BCAS3: variants seen among roughly 807,000 people sequenced by gnomAD.
The protein encoded by BCAS3 is BCAS4/BCAS3 fusion.
A neutral mutation model predicts 116.1 loss-of-function variants in BCAS3; 53 were observed. That is an observed-to-expected ratio of 0.46 (90% CI 0.37 to 0.57). The LOEUF is 0.57. Ranked by LOEUF, BCAS3 falls within the 20% of genes least tolerant of loss-of-function variation. The probability of loss-of-function intolerance (pLI) is 0.00; values close to 1 mark genes in which losing one functional copy is unlikely to be tolerated. For synonymous variants in BCAS3, 391 were observed against 408.2 expected (o/e 0.96, Z 0.51); for missense variants, 917 against 1,165.4 (o/e 0.79, Z 3.10).
rs948064072 is a variant in BCAS3 at position 61,309,170 on chromosome 17, A to AG, written c.2426-59154dup. On this transcript the variant is annotated intron_variant, in intron 22 of 23. Coordinates refer to ENST00000407086, the MANE Select transcript of BCAS3 (RefSeq NM_017679.5). The surrounding 1 kb of genome is among the most constrained non-coding windows in gnomAD (Gnocchi z 4.6). ...TTTTTTCAGCCTTGGGTTTAGTGAC[A>AG]GGGAAAAAAGAACGTTAGCTCATGT... Among the ~76,000 whole-genome samples the AG allele has an allele frequency of 2.3e-4, 35 of 152,168 alleles. No homozygotes were observed. The highest frequency in any genetic ancestry group is 1.9e-3 in the Admixed American group (29 of 15,286).
rs145698396 is a variant in BCAS3 at position 61,253,356 on chromosome 17, A to AAT, written c.2426-114957_2426-114956dup. Among the ~76,000 whole-genome samples, 444 of 149,254 alleles carry AAT rather than the reference A, an allele frequency of 3.0e-3. 1 individual carries two copies. Among genetic ancestry groups the AAT allele is most frequent in the Non-Finnish European group, 5.2e-3 (347 of 66,970 alleles). On this transcript the variant is annotated intron_variant, in intron 22 of 23. Coordinates refer to ENST00000407086, the MANE Select transcript of BCAS3 (RefSeq NM_017679.5). ...TCACCTGAGGTCAGGAGTTGGAGAGAATATATATATATATAATCAATGTCT... is the reference window on the plus strand; with the variant it reads ...TCACCTGAGGTCAGGAGTTGGAGAGAATATATATATATATATAATCAATGTCT...
At chr17:61,331,497 A>G (rs2056284846) in intron 22 of BCAS3, among the ~76,000 whole-genome samples, 1 of 152,064 alleles carries the variant, frequency 6.6e-6, no homozygotes, top group Non-Finnish European at 1.5e-5. Flanking sequence ...CTTTAGCCTC[A>G]AGGAAAAGGT....
At chr17:61,121,348 T>A (rs2075780026) in intron 22 of BCAS3, among the ~76,000 whole-genome samples, 1 of 152,196 alleles carries the variant, frequency 6.6e-6, no homozygotes, top group Non-Finnish European at 1.5e-5. Flanking sequence ...GATGTCAACA[T>A]TGTATTATTT....
intron 15 of BCAS3, among the ~76,000 whole-genome samples, chr17:60,997,329 T>C (rs534257269): frequency 7.9e-5 from 12 of 152,162 alleles, no homozygotes; most frequent in Non-Finnish European, 1.6e-4. Context: ...AAGAATACTT[T>C]TGGTGGCATG....
At chr17:60,798,625 A>G (rs550449891) in intron 6 of BCAS3, among the ~76,000 whole-genome samples, 1 of 152,390 alleles carries the variant, frequency 6.6e-6, no homozygotes, top group East Asian at 1.9e-4. Flanking sequence ...TTTGGCAATT[A>G]TAAATAAAGC....
At chr17:60,919,588 G>A (rs2058964654) in intron 12 of BCAS3, among the ~76,000 whole-genome samples, 1 of 152,082 alleles carries the variant, frequency 6.6e-6, no homozygotes, top group African/African-American at 2.4e-5. Context: ...CTCCCAAAGT[G>A]CTGGGATTAT....
intron 13 of BCAS3, among the ~76,000 whole-genome samples, chr17:60,943,558 A>G (rs556841106): frequency 6.6e-6 from 1 of 152,226 alleles, no homozygotes; most frequent in African/African-American, 2.4e-5. Flanking sequence ...CTTGCTCTAA[A>G]ATTTAGGAAG....
chr17:61,336,099 G>C (rs1259753371), intron 22 of BCAS3, among the ~76,000 whole-genome samples: 1 of 152,242 alleles, frequency 6.6e-6, no homozygotes, highest in Non-Finnish European at 1.5e-5. Flanking sequence ...TGCTGCTCTG[G>C]ATCAAGGCCT....
rs1468144202 is a variant in BCAS3, at chr17:61,124,551, C to T, written c.2425+39987C>T. On this transcript the variant is annotated intron_variant, in intron 22 of 23. Transcript: ENST00000407086. This position sits in a 1 kb window ranked among gnomAD's most constrained non-coding sequence, Gnocchi z 4.6. ...GTATTTTGGCATCATTTCTTACATACCCTGTTATTGTTTAGGGGAAAAATG... is the reference window on the plus strand; with the variant it reads ...GTATTTTGGCATCATTTCTTACATATCCTGTTATTGTTTAGGGGAAAAATG... 1.3e-5 allele frequency among the ~76,000 whole-genome samples: 2 copies of T among 152,054 alleles called. No homozygotes were observed. Among genetic ancestry groups the T allele is most frequent in the Admixed American group, 6.6e-5 (1 of 15,262 alleles).
intron 22 of BCAS3, among the ~76,000 whole-genome samples, chr17:61,111,864 C>A (rs934625299): frequency 1.1e-5 from 1 of 95,144 alleles, no homozygotes; most frequent in African/African-American, 3.7e-5. Context: ...CAAAGGGAAG[C>A]CCATCAGACT....
In BCAS3 at chr17:60,868,586, C is replaced by A; in HGVS notation, c.487C>A (p.Pro163Thr). The A allele has an allele frequency of 6.5e-7, 1 of 1,550,214 alleles. No homozygotes were observed. Among genetic ancestry groups the A allele is most frequent in the Non-Finnish European group, 8.6e-7 (1 of 1,156,402 alleles). The part of the protein sequence containing the change: ...KSIGSSGTSP[P>T]YCCVDLYSLR... ...TTTTTTCTTTTTTAGCACAAGCCCA[C>A]CGTACTGTTGTGTGGATCTGTATTC... The change falls in exon 8 of 24, where the codon CCG becomes ACG. Residue 163 changes from proline to threonine, a missense_variant. This residue lies in a region of BCAS3 where 807 missense variants were observed against 1,026.0 expected (regional missense o/e 0.79). Coordinates refer to ENST00000407086, the MANE Select transcript of BCAS3 (RefSeq NM_017679.5).
At chr17:61,101,539 A>C (rs1268065260) in intron 22 of BCAS3, among the ~76,000 whole-genome samples, 3 of 152,168 alleles carry the variant, frequency 2.0e-5, no homozygotes, top group African/African-American at 7.2e-5. Context: ...AAACATACCC[A>C]AAATACACTG....
At chr17:61,305,225 G>A (rs2053759819) in intron 22 of BCAS3, among the ~76,000 whole-genome samples, 1 of 152,104 alleles carries the variant, frequency 6.6e-6, no homozygotes, top group Non-Finnish European at 1.5e-5. Context: ...GATGACCCCG[G>A]TGCATAGTCA....
At chr17:61,170,571 C>T (rs1415767570) in intron 22 of BCAS3, among the ~76,000 whole-genome samples, 6 of 151,420 alleles carry the variant, frequency 4.0e-5, no homozygotes, top group South Asian at 4.2e-4. Flanking sequence ...GGATTACAGG[C>T]GTGAGCCACC....
At chr17:61,360,963 G>C (rs2058425206) in intron 22 of BCAS3, among the ~76,000 whole-genome samples, 1 of 152,104 alleles carries the variant, frequency 6.6e-6, no homozygotes, top group African/African-American at 2.4e-5. Flanking sequence ...AGACTCTTAT[G>C]GTATAACTGC....
At chr17:60,892,846 C>T (rs1291148981) in intron 10 of BCAS3, among the ~76,000 whole-genome samples, 5 of 151,760 alleles carry the variant, frequency 3.3e-5, no homozygotes, top group South Asian at 2.1e-4. Context: ...CACTTGAACC[C>T]GGGAGGTGGA....
intron 12 of BCAS3, among the ~76,000 whole-genome samples, chr17:60,917,214 A>G (rs1376966105): frequency 2.0e-5 from 3 of 152,226 alleles, no homozygotes; most frequent in African/African-American, 7.2e-5. Flanking sequence ...CATTAAGTAC[A>G]TTTGTAGTGT....
chr17:61,051,300 T>C lies in BCAS3; in HGVS notation c.2029+10408T>C, dbSNP rs990023003. On this transcript the variant is annotated intron_variant, in intron 19 of 23. Coordinates refer to ENST00000407086, the MANE Select transcript of BCAS3 (RefSeq NM_017679.5). This position sits in a 1 kb window ranked among gnomAD's most constrained non-coding sequence, Gnocchi z 4.1. ...TGGTGCCCAGGGATTAGGGATGGGG[T>C]GGGAGAGAATGTGGCTATATAGAGT... is the stretch of plus-strand genomic sequence containing the variant. 2.6e-5 allele frequency among the ~76,000 whole-genome samples: 4 copies of C among 151,816 alleles called. No individual in the cohort carries two copies. Among genetic ancestry groups the C allele is most frequent in the African/African-American group, 7.3e-5 (3 of 41,374 alleles).
At chr17:60,682,203 A>C (rs908262405) in intron 2 of BCAS3, among the ~76,000 whole-genome samples, 1 of 152,220 alleles carries the variant, frequency 6.6e-6, no homozygotes, top group Admixed American at 6.5e-5. Flanking sequence ...AGGAGGCAGC[A>C]CTTAACCCGG....
Sources: gnomAD v4.1 joint callset for allele counts (sites outside exome capture counted in the v4.1 genomes callset) on GRCh38, gnomAD v4.1.1 for gene constraint, gnomAD v4.1.1 regional missense constraint, Gnocchi (gnomAD v3.1) non-coding constraint, MANE v1.5 for transcripts, NCBI Gene and HGNC (gene_info 2026-07-23, HGNC 2026-07-21) for gene names.